The following AGMO variants were observed in gnomAD, a reference collection of about 807,000 sequenced individuals.
AGMO encodes alkylglycerol monooxygenase, also known as glyceryl-ether monooxygenase.
Under a neutral mutation model 60.2 loss-of-function variants are expected in AGMO, and 75 were observed. The observed-to-expected ratio is 1.25, with a 90% CI of 1.03 to 1.51. The LOEUF is 1.51. AGMO is among the 40% of genes most tolerant of loss of function. The pLI is 0.00. For missense variants in AGMO, 763 were observed against 525.5 expected (o/e 1.45, Z -4.42); for synonymous variants, 261 against 177.1 (o/e 1.47, Z -3.76).
chr7:15,561,742 T>A lies in AGMO; in HGVS notation c.104A>T (p.Glu35Val). 1 of 1,608,932 alleles carries A rather than the reference T, an allele frequency of 6.2e-7. No individual in the cohort carries two copies. The highest frequency in any genetic ancestry group is 8.5e-7 in the Non-Finnish European group (1 of 1,177,000). ...CACCTTTTTTACATAATCAGGCACC[T>A]CTTCTAATGTTTGGAATGAAGTTTC... ...PSETSFQTLE[E>V]VPDYVKKATP... is the part of the protein sequence containing the mutation. The change falls in exon 1 of 13, where the codon GAG (glutamate) becomes GTG (valine). Residue 35 changes from glutamate (E) to valine (V), a missense_variant. Transcript: ENST00000342526.
At chr7:15,365,117 A>T (rs1169111478) in intron 12 of AGMO, among the ~76,000 whole-genome samples, 1 of 152,010 alleles carries the variant, frequency 6.6e-6, no homozygotes, top group South Asian at 2.1e-4. Context: ...GTAATTGACA[A>T]GGAAACTTGA....
intron 3 of AGMO, among the ~76,000 whole-genome samples, chr7:15,503,881 T>C (rs1783447596): frequency 6.6e-6 from 1 of 152,066 alleles, no homozygotes; most frequent in Admixed American, 6.6e-5. Flanking sequence ...TGCCCTCATT[T>C]AGAAAATGAT....
chr7:15,297,963 G>A (rs1784450808), intron 12 of AGMO, among the ~76,000 whole-genome samples: 1 of 152,050 alleles, frequency 6.6e-6, no homozygotes, highest in Non-Finnish European at 1.5e-5. Flanking sequence ...AAATGTTTTA[G>A]TCCATTTGTA....
chr7:15,248,710 G>GT (rs1363904594), intron 12 of AGMO, among the ~76,000 whole-genome samples: 1 of 152,138 alleles, frequency 6.6e-6, no homozygotes, highest in Non-Finnish European at 1.5e-5. Flanking sequence ...AACATAGGCT[G>GT]TATTTGGAAG....
At chr7:15,423,309 A>G (rs989247238) in intron 4 of AGMO, among the ~76,000 whole-genome samples, 1 of 152,224 alleles carries the variant, frequency 6.6e-6, no homozygotes, top group Non-Finnish European at 1.5e-5. Flanking sequence ...CTGATTATAG[A>G]TAGAGAGCAT....
chr7:15,315,328 CTT>C (rs1178276622), intron 12 of AGMO, among the ~76,000 whole-genome samples: 330 of 48,084 alleles, frequency 6.9e-3, no homozygotes, highest in African/African-American at 0.025. Flanking sequence ...TGGATATTTG[CTT>C]TTTTTTTTTT....
intron 12 of AGMO, among the ~76,000 whole-genome samples, chr7:15,330,949 A>G (rs1781482034): frequency 6.6e-6 from 1 of 152,128 alleles, no homozygotes; most frequent in African/African-American, 2.4e-5. Context: ...GACCTACAGA[A>G]TATCATGGAA....
At chr7:15,124,908 T>G in the AGMO span, among the ~76,000 whole-genome samples, 3 of 152,038 alleles carry the variant, frequency 2.0e-5, no homozygotes, top group Admixed American at 1.3e-4. Context: ...TGCTGCTAAC[T>G]AGAACATAGT....
chr7:15,229,583 G>A (rs928680668), intron 12 of AGMO, among the ~76,000 whole-genome samples: 18 of 148,962 alleles, frequency 1.2e-4, no homozygotes, highest in African/African-American at 4.2e-4. Context: ...GGGGAAAAAC[G>A]TGAGAACTTT....
intron 5 of AGMO, among the ~76,000 whole-genome samples, chr7:15,399,702 G>A (rs1166617411): frequency 2.0e-5 from 3 of 152,070 alleles, no homozygotes; most frequent in South Asian, 4.1e-4. Context: ...GGTGAAAGTG[G>A]GGAAGAAGAG....
the AGMO span, among the ~76,000 whole-genome samples, chr7:15,126,797 T>C: frequency 3.3e-5 from 5 of 152,150 alleles, no homozygotes; most frequent in African/African-American, 1.2e-4. Context: ...CTCTTTCCCC[T>C]TGTTTTCCTT....
intron 12 of AGMO, among the ~76,000 whole-genome samples, chr7:15,282,112 T>TA (rs1783983774): frequency 6.6e-6 from 1 of 152,032 alleles, no homozygotes; most frequent in South Asian, 2.1e-4. Context: ...TTAGAACATA[T>TA]AGTCTGCCCA....
At chr7:15,289,996 G>A (rs1784214210) in intron 12 of AGMO, among the ~76,000 whole-genome samples, 1 of 135,730 alleles carries the variant, frequency 7.4e-6, no homozygotes, top group South Asian at 2.3e-4. Context: ...ATGTTGCCCA[G>A]GATGGACAGT....
the AGMO span, among the ~76,000 whole-genome samples, chr7:15,195,088 T>C: frequency 6.6e-6 from 1 of 152,154 alleles, no homozygotes; most frequent in Admixed American, 6.5e-5. Flanking sequence ...CTCCCTTCAG[T>C]GAGCACACAT....
chr7:15,385,678 CAT>C (rs972399817), intron 9 of AGMO, 116 bp from the exon 10 acceptor site: 61 of 688,008 alleles, frequency 8.9e-5, no homozygotes, highest in East Asian at 1.9e-4. Context: ...AAAAGACAAA[CAT>C]AATTTTTAAA....
At chr7:15,474,310 C>G (rs754273644) in intron 3 of AGMO, among the ~76,000 whole-genome samples, 4 of 151,866 alleles carry the variant, frequency 2.6e-5, no homozygotes, top group Non-Finnish European at 5.9e-5. Flanking sequence ...ATACTACAAG[C>G]CTACAGTAAC....
At chr7:15,226,061 C>T (rs1217302352) in intron 12 of AGMO, among the ~76,000 whole-genome samples, 2 of 151,990 alleles carry the variant, frequency 1.3e-5, no homozygotes, top group Non-Finnish European at 2.9e-5. Flanking sequence ...CAAAGTTTAT[C>T]GTTGCTTTCT....
In AGMO at chr7:15,531,417, C is replaced by CTA. The variant is rs1332193417; in HGVS notation, c.409+13353_409+13354dup. Among the ~76,000 whole-genome samples the CTA allele has an allele frequency of 1.7e-3, 96 of 56,620 alleles. 6 individuals carry two copies. Among genetic ancestry groups the CTA allele is most frequent in the Middle Eastern group, 0.018 (1 of 56 alleles). 37.1% of individuals were successfully genotyped at this position (56,620 alleles called of 152,430 possible). A position where few individuals can be genotyped will look rare whatever the true frequency, so the allele number is the denominator to read the frequency against. ...TCTATATATATATTCTATATATATTCTATATATATTCTATATATATATTCT... is the reference window on the plus strand; with the variant it reads ...TCTATATATATATTCTATATATATTCTATATATATATTCTATATATATATTCT... On this transcript the variant is annotated intron_variant, in intron 3 of 12. Coordinates refer to ENST00000342526, the MANE Select transcript of AGMO (RefSeq NM_001004320.2).
At chr7:15,123,379 T>C in the AGMO span, among the ~76,000 whole-genome samples, 1 of 152,068 alleles carries the variant, frequency 6.6e-6, no homozygotes, top group Non-Finnish European at 1.5e-5. Context: ...ATATGAGATC[T>C]GAGAAGTTAT....
Sources: allele counts gnomAD v4.1 joint callset (sites outside exome capture counted in the v4.1 genomes callset), GRCh38; gene constraint gnomAD v4.1.1; transcripts MANE v1.5; gene names NCBI Gene and HGNC (gene_info 2026-07-23, HGNC 2026-07-21).